Variants in NUDT3 observed in about 807,000 individuals in gnomAD.
The protein encoded by NUDT3 is nudix hydrolase 3.
Under a neutral mutation model 23.6 loss-of-function variants are expected in NUDT3, and 9 were observed. The ratio of observed to expected loss-of-function variants is 0.38; its 90% CI spans 0.23 to 0.66. The LOEUF (loss-of-function observed/expected upper bound fraction) is 0.66, where lower values mean the gene tolerates loss of function less well. Among genes scored for constraint, NUDT3 ranks in the 30% least tolerant of loss-of-function variants. The pLI, the probability that NUDT3 is intolerant of heterozygous loss-of-function variation, is 0.52. For synonymous variants in NUDT3, 86 were observed against 82.6 expected, an observed-to-expected ratio of 1.04 and a Z score of -0.22; for missense variants, 172 against 218.5, an observed-to-expected ratio of 0.79 and a Z score of 1.34.
Position 34,282,122 on chromosome 6 carries a change from C to A in NUDT3, c.*6631G>T, listed in dbSNP as rs1763286924. On this transcript the variant is annotated 3_prime_UTR_variant, in exon 5 of 5. Transcript: ENST00000607016. Reference sequence around the variant, plus strand: ...TGTTATGCTGCAGGAACTGAGTAACCAAAGCTAGATATCCCTTGGACCACT... The same window carrying A: ...TGTTATGCTGCAGGAACTGAGTAACAAAAGCTAGATATCCCTTGGACCACT... The A allele has an allele frequency of 6.6e-6, 1 of 152,132 alleles. No homozygotes were observed. Among genetic ancestry groups the A allele is most frequent in the Admixed American group, 6.5e-5 (1 of 15,274 alleles). The allele number at this position is 152,132 out of a possible 1,614,324, so 9.4% of individuals were successfully genotyped here.
chr6:34,385,686 CTT>C (rs541577321), intron 1 of NUDT3, among the ~76,000 whole-genome samples: 36 of 140,226 alleles, frequency 2.6e-4, no homozygotes, highest in Non-Finnish European at 1.9e-4. Context: ...GCAGTAATTT[CTT>C]TTTTTTTTTT....
intron 4 of NUDT3, among the ~76,000 whole-genome samples, chr6:34,291,525 A>C (rs1763422514): frequency 6.6e-6 from 1 of 151,292 alleles, no homozygotes; most frequent in African/African-American, 2.4e-5. Flanking sequence ...TTTTTTTTTG[A>C]AACAGTCTTA....
chr6:34,279,684 G>A lies in NUDT3; in HGVS notation c.*9069C>T, dbSNP rs1005981733. Reference sequence around the variant, plus strand: ...AGACCAGACACTAAAAGGGATGTGTGTGAAATACTGGTTTTTATTGGTTGG... The same window carrying A: ...AGACCAGACACTAAAAGGGATGTGTATGAAATACTGGTTTTTATTGGTTGG... On this transcript the variant is annotated 3_prime_UTR_variant, in exon 5 of 5. Coordinates refer to ENST00000607016, the MANE Select transcript of NUDT3 (RefSeq NM_006703.4). The A allele has an allele frequency of 1.3e-5, 2 of 152,148 alleles. No individual in the cohort carries two copies. The highest frequency in any genetic ancestry group is 2.9e-5 in the Non-Finnish European group (2 of 68,048). The allele number at this position is 152,148 out of a possible 1,614,324, so 9.4% of individuals were successfully genotyped here.
At chr6:34,374,038 T>C (rs1764880757) in intron 1 of NUDT3, among the ~76,000 whole-genome samples, 1 of 151,062 alleles carries the variant, frequency 6.6e-6, no homozygotes, top group Admixed American at 6.6e-5. Flanking sequence ...GCACCTGTAG[T>C]CCCAGCTACT....
chr6:34,368,828 CG>C (rs1764783357), intron 1 of NUDT3, among the ~76,000 whole-genome samples: 1 of 152,158 alleles, frequency 6.6e-6, no homozygotes, highest in East Asian at 1.9e-4. Context: ...TTAGCAGAGA[CG>C]GGGTTTCACC....
At chr6:34,302,221 G>T (rs150509163) in intron 2 of NUDT3, among the ~76,000 whole-genome samples, 264 of 151,232 alleles carry the variant, frequency 1.7e-3, no homozygotes, top group Non-Finnish European at 2.6e-3. Context: ...GTAGAGATGA[G>T]GTTTTGCCAT....
intron 1 of NUDT3, among the ~76,000 whole-genome samples, chr6:34,386,080 T>C (rs1765101308): frequency 1.3e-5 from 2 of 152,220 alleles, no homozygotes; most frequent in Non-Finnish European, 2.9e-5. Context: ...AGGTAACTAA[T>C]TGTAATCACA....
chr6:34,353,188 T>C (rs898809516), intron 1 of NUDT3, among the ~76,000 whole-genome samples: 2 of 152,230 alleles, frequency 1.3e-5, no homozygotes, highest in Admixed American at 6.5e-5. Flanking sequence ...TAACCCATTA[T>C]ACACATTGTT....
At chr6:34,341,172 C>T (rs977081869) in intron 2 of NUDT3, among the ~76,000 whole-genome samples, 1 of 152,098 alleles carries the variant, frequency 6.6e-6, no homozygotes, top group Non-Finnish European at 1.5e-5. Context: ...ATGGTGTCAC[C>T]ACAAGAGGCT....
intron 2 of NUDT3, among the ~76,000 whole-genome samples, chr6:34,325,128 T>G (rs1380329562): frequency 1.3e-5 from 2 of 152,174 alleles, no homozygotes; most frequent in African/African-American, 2.4e-5. Flanking sequence ...ATGCCAGAGA[T>G]CTATGGGATT....
chr6:34,329,425 C>T (rs961227490), intron 2 of NUDT3, among the ~76,000 whole-genome samples: 7 of 152,032 alleles, frequency 4.6e-5, no homozygotes, highest in Non-Finnish European at 1.0e-4. Flanking sequence ...GGATTACAGG[C>T]GCCTGCCACC....
intron 2 of NUDT3, among the ~76,000 whole-genome samples, chr6:34,308,116 T>G (rs1195964906): frequency 2.3e-5 from 1 of 43,152 alleles, no homozygotes; most frequent in African/African-American, 9.3e-5. Flanking sequence ...AGAAACTCTG[T>G]CTCAAAAAAA....
chr6:34,349,174 G>C lies in NUDT3; in HGVS notation c.100-7202C>G, dbSNP rs555764730. On this transcript the variant is annotated intron_variant, in intron 1 of 4. Transcript: ENST00000607016. ...AGTTGGCCTCTAAAACCCAATTTGA[G>C]TTTTAGAAAGGTTACTTTGACATAT... Among the ~76,000 whole-genome samples the C allele has an allele frequency of 4.7e-4, 72 of 152,262 alleles. No individual in the cohort carries two copies. In the South Asian group the frequency reaches 8.1e-3, roughly 17 times the overall value.
At chr6:34,311,027 G>C (rs1042493215) in intron 2 of NUDT3, among the ~76,000 whole-genome samples, 2 of 149,372 alleles carry the variant, frequency 1.3e-5, no homozygotes, top group Non-Finnish European at 3.0e-5. Flanking sequence ...ACTAGGAACA[G>C]AGGAAGACTT....
chr6:34,351,198 T>TA (rs71000051), intron 1 of NUDT3, among the ~76,000 whole-genome samples: 340 of 17,882 alleles, frequency 0.019, 77 homozygotes, highest in Non-Finnish European at 0.024. Context: ...CTCCCCTGCC[T>TA]AAAAAAAAAA....
intron 2 of NUDT3, among the ~76,000 whole-genome samples, chr6:34,328,558 C>CTGTA (rs1764078291): frequency 6.6e-6 from 1 of 152,268 alleles, no homozygotes; most frequent in South Asian, 2.1e-4. Flanking sequence ...AGGTCTTGAT[C>CTGTA]TGTAACCCAG....
intron 2 of NUDT3, among the ~76,000 whole-genome samples, chr6:34,321,639 G>A (rs1320935809): frequency 6.6e-6 from 1 of 151,952 alleles, no homozygotes; most frequent in Non-Finnish European, 1.5e-5. Context: ...GCAAATCTCA[G>A]GGAAGATCGA....
chr6:34,374,998 T>C (rs1285576864), intron 1 of NUDT3, among the ~76,000 whole-genome samples: 1 of 152,206 alleles, frequency 6.6e-6, no homozygotes, highest in Non-Finnish European at 1.5e-5. Context: ...TAAGGAAATA[T>C]ATGAAACTTA....
chr6:34,374,105 C>A (rs1440616129), intron 1 of NUDT3, among the ~76,000 whole-genome samples: 2 of 147,448 alleles, frequency 1.4e-5, no homozygotes, highest in Non-Finnish European at 3.0e-5. Context: ...TGCAGCAAGC[C>A]CGGATCATGC....
Sources: allele counts gnomAD v4.1 joint callset (sites outside exome capture counted in the v4.1 genomes callset), GRCh38; gene constraint gnomAD v4.1.1; transcripts MANE v1.5; gene names NCBI Gene and HGNC (gene_info 2026-07-23, HGNC 2026-07-21).